Variants in INTS15 observed in about 807,000 individuals in gnomAD.
INTS15 encodes uncharacterized protein C7orf26.
chr7:6,593,625 C>T, the INTS15 span, among the ~76,000 whole-genome samples: 1 of 150,162 alleles, frequency 6.7e-6, no homozygotes, highest in African/African-American at 2.5e-5. Context: ...TGAGCCACCA[C>T]ACCCAGTCAG....
At chr7:6,590,808 T>G in the INTS15 span, among the ~76,000 whole-genome samples, 2 of 152,026 alleles carry the variant, frequency 1.3e-5, no homozygotes, top group Non-Finnish European at 2.9e-5. Flanking sequence ...TATGGCTTTC[T>G]TCTTACATCT....
At chr7:6,592,015 T>C in the INTS15 span, 183 of 655,280 alleles carry the variant, frequency 2.8e-4, no homozygotes, top group Admixed American at 1.2e-3. Context: ...CTACTAAAAA[T>C]ACAAAATTAG....
At chr7:6,602,648 G>A in the INTS15 span, 5 of 470,862 alleles carry the variant, frequency 1.1e-5, no homozygotes, top group African/African-American at 1.0e-4. Flanking sequence ...GGGTGATACT[G>A]TTCCCTGACT....
chr7:6,591,402 G>A, the INTS15 span, among the ~76,000 whole-genome samples: 1 of 151,430 alleles, frequency 6.6e-6, no homozygotes, highest in Non-Finnish European at 1.5e-5. Context: ...GAGTAGCTGG[G>A]ATTACAGGTG....
At chr7:6,605,541 C>T in the INTS15 span, among the ~76,000 whole-genome samples, 239 of 152,246 alleles carry the variant, frequency 1.6e-3, 1 homozygote, top group African/African-American at 5.5e-3. Context: ...ATCAGCAGTC[C>T]CCTGCTGGTC....
chr7:6,599,695 C>T, the INTS15 span: 17 of 831,256 alleles, frequency 2.0e-5, no homozygotes, highest in African/African-American at 2.7e-4. Context: ...CAGAAAATAG[C>T]TAAGCCAGGA....
At chr7:6,600,476 G>A in the INTS15 span, 5 of 1,061,698 alleles carry the variant, frequency 4.7e-6, no homozygotes, top group South Asian at 8.3e-5. Flanking sequence ...TCCTCCTAGT[G>A]AACACAGGGG....
chr7:6,604,585 G>A, the INTS15 span, among the ~76,000 whole-genome samples: 1 of 152,192 alleles, frequency 6.6e-6, no homozygotes, highest in Non-Finnish European at 1.5e-5. Flanking sequence ...CAGAGGGTCA[G>A]TGAGTGGCTC....
chr7:6,600,936 C>T, the INTS15 span, among the ~76,000 whole-genome samples: 2 of 151,890 alleles, frequency 1.3e-5, no homozygotes, highest in African/African-American at 2.4e-5. Context: ...CGTGCCGTTT[C>T]TTTTTCTGTG....
the INTS15 span, among the ~76,000 whole-genome samples, chr7:6,599,605 A>T: frequency 6.6e-6 from 1 of 152,304 alleles, no homozygotes; most frequent in African/African-American, 2.4e-5. Flanking sequence ...CCCTTGCTCC[A>T]GGGTCCTGGG....
At chr7:6,603,928 G>T in the INTS15 span, among the ~76,000 whole-genome samples, 1 of 152,112 alleles carries the variant, frequency 6.6e-6, no homozygotes, top group Admixed American at 6.6e-5. Context: ...TTTGAGCCCA[G>T]GAGTTTGAGG....
chr7:6,593,478 C>T, the INTS15 span, among the ~76,000 whole-genome samples: 61 of 151,066 alleles, frequency 4.0e-4, no homozygotes, highest in African/African-American at 1.5e-3. Context: ...CTACAGGCGC[C>T]CACCATCAGT....
chr7:6,606,818 G>A, the INTS15 span, among the ~76,000 whole-genome samples: 1 of 151,598 alleles, frequency 6.6e-6, no homozygotes, highest in Admixed American at 6.6e-5. Flanking sequence ...CAATCCTCCT[G>A]CCCCAGCCTC....
the INTS15 span, chr7:6,602,775 A>C: frequency 2.1e-6 from 1 of 470,732 alleles, no homozygotes. Flanking sequence ...AACTGTGGTC[A>C]GATTCTGGAG....
At chr7:6,600,927 G>A in the INTS15 span, among the ~76,000 whole-genome samples, 16 of 152,068 alleles carry the variant, frequency 1.1e-4, no homozygotes, top group African/African-American at 3.9e-4. Flanking sequence ...ATGAGCCACC[G>A]TGCCGTTTCT....
chr7:6,602,683 C>G, the INTS15 span: 2 of 471,118 alleles, frequency 4.2e-6, no homozygotes, highest in South Asian at 3.1e-5. Context: ...GAGGATGAGA[C>G]CCAGTGGTGT....
chr7:6,594,523 A>G, the INTS15 span: 1 of 1,614,136 alleles, frequency 6.2e-7, no homozygotes, highest in Non-Finnish European at 8.5e-7. Flanking sequence ...CAGACGCTGA[A>G]GCAGATATTC....
the INTS15 span, among the ~76,000 whole-genome samples, chr7:6,593,653 T>G: frequency 6.7e-6 from 1 of 149,294 alleles, no homozygotes; most frequent in Non-Finnish European, 1.5e-5. Flanking sequence ...TTTTCTGTTT[T>G]TTTTTTTTTT....
the INTS15 span, among the ~76,000 whole-genome samples, chr7:6,595,496 T>G: frequency 6.6e-6 from 1 of 152,120 alleles, no homozygotes; most frequent in Non-Finnish European, 1.5e-5. Flanking sequence ...GGTTAAAAGC[T>G]AAAGGTGTGG....
Sources: allele counts gnomAD v4.1 joint callset (sites outside exome capture counted in the v4.1 genomes callset), GRCh38; gene constraint gnomAD v4.1.1; transcripts MANE v1.5; gene names NCBI Gene and HGNC (gene_info 2026-07-23, HGNC 2026-07-21).